COL18A1: variants seen among roughly 807,000 people sequenced by gnomAD.
The protein encoded by COL18A1 is collagen type XVIII alpha 1 chain, also known as collagen alpha-1(XVIII) chain.
In COL18A1, 133 loss-of-function variants were observed where a neutral mutation model predicts 168.0. The ratio of observed to expected loss-of-function variants is 0.79; its 90% CI spans 0.69 to 0.91. The LOEUF (loss-of-function observed/expected upper bound fraction) is 0.91, where lower values mean the gene tolerates loss of function less well. Among genes scored for constraint, COL18A1 ranks in the 40% least tolerant of loss-of-function variants. The pLI is 0.00. For missense variants in COL18A1, 2,126 were observed against 1,925.4 expected, an observed-to-expected ratio of 1.10 and a Z score of -1.95; for synonymous variants, 949 against 809.0, an observed-to-expected ratio of 1.17 and a Z score of -2.94.
At position 45,493,836 on chromosome 21, in the gene COL18A1, T is replaced by G. The variant is rs1051241007; in HGVS notation, c.2352+261T>G. On this transcript the variant is annotated intron_variant, in intron 26 of 41. Coordinates refer to ENST00000651438, the MANE Select transcript of COL18A1 (RefSeq NM_001379500.1). ...TGCTGAGGGGAGGTTCTCAGTGGGC[T>G]GCAGCTCTGAGCTCGCGCCTCCCTG... 6 of 530,004 alleles carry G rather than the reference T, an allele frequency of 1.1e-5. No individual in the cohort carries two copies. In the Admixed American group the frequency reaches 1.6e-4, roughly 14 times the overall value. 32.8% of individuals were successfully genotyped at this position (530,004 alleles called of 1,614,324 possible).
At position 45,479,076 on chromosome 21, in the gene COL18A1, C is replaced by T. The variant is rs892907039; in HGVS notation, c.1248+723C>T. ...CACCCACTGCAACAGGGTACACGCA[C>T]GCGTGTGAGTGTGGGGTGATGATCC... is the stretch of plus-strand genomic sequence containing the variant. On this transcript the variant is annotated intron_variant, in intron 9 of 41. Coordinates refer to ENST00000651438, the MANE Select transcript of COL18A1 (RefSeq NM_001379500.1). Among the ~76,000 whole-genome samples the T allele has an allele frequency of 3.8e-5, 5 of 130,200 alleles. No homozygotes were observed. In the East Asian group the frequency reaches 6.5e-4, roughly 17 times the overall value. 85.4% of individuals were successfully genotyped at this position (130,200 alleles called of 152,430 possible). A position where few individuals can be genotyped will look rare whatever the true frequency, so the allele number is the denominator to read the frequency against.
chr21:45,439,793 A>G (rs887010065), intron 2 of COL18A1, among the ~76,000 whole-genome samples: 4 of 149,460 alleles, frequency 2.7e-5, no homozygotes, highest in Non-Finnish European at 4.5e-5. Context: ...CCTGGCCTCT[A>G]AGATGCTCGG....
intron 4 of COL18A1, among the ~76,000 whole-genome samples, chr21:45,474,254 T>C (rs2035548990): frequency 6.7e-6 from 1 of 150,130 alleles, no homozygotes; most frequent in Non-Finnish European, 1.5e-5. Context: ...CAGCAAAGTG[T>C]GTGTGTGTGT....
chr21:45,428,072 C>T (rs1367279273), intron 2 of COL18A1, among the ~76,000 whole-genome samples: 1 of 152,234 alleles, frequency 6.6e-6, no homozygotes, highest in Non-Finnish European at 1.5e-5. Flanking sequence ...GCACCACCTC[C>T]TCCATGAAGC....
chr21:45,509,849 G>T (rs937906701), intron 39 of COL18A1, among the ~76,000 whole-genome samples: 3 of 152,210 alleles, frequency 2.0e-5, no homozygotes, highest in Non-Finnish European at 2.9e-5. Flanking sequence ...GCCTACAGCG[G>T]CAGCTGGGGG....
chr21:45,510,987 CCACACACACAACA>C lies in COL18A1; in HGVS notation c.3694-120_3694-108del. On this transcript the variant is annotated intron_variant, in intron 40 of 41. Transcript: ENST00000651438. ...TACACCCCCAAACACCCCCCACACC[CCACACACACAACA>C]CACCCCCCCCCCACACATCCACACC... The C allele has an allele frequency of 7.8e-4, 30 of 38,666 alleles. 8 individuals carry two copies. The highest frequency in any genetic ancestry group is 1.6e-3 in the South Asian group (7 of 4,474). 2.4% of individuals were successfully genotyped at this position (38,666 alleles called of 1,614,324 possible). A position where few individuals can be genotyped will look rare whatever the true frequency, so the allele number is the denominator to read the frequency against.
At position 45,494,816 on chromosome 21, in the gene COL18A1, A is replaced by C. The variant is rs771079606; in HGVS notation, c.2380-46A>C. On this transcript the variant is annotated intron_variant, in intron 27 of 41. Transcript: ENST00000651438. The stretch of plus-strand genomic sequence containing the variant: ...CCCAGGACCCCCCAACTCGTGGTCA[A>C]GGGCCAGGGTCTGCCCCACTAAGCC... 231 of 1,557,366 alleles carry C rather than the reference A, an allele frequency of 1.5e-4. 1 individual carries two copies. The highest frequency in any genetic ancestry group is 3.0e-5 in the Non-Finnish European group (34 of 1,141,386).
In COL18A1 at chr21:45,443,000, C is replaced by T. The variant is rs1243435617; in HGVS notation, c.107-25242C>T. On this transcript the variant is annotated intron_variant, in intron 2 of 41. Transcript: ENST00000651438. ...GTGTGGGTGGCGGTGCTGGTGTGGG[C>T]GGCGGTGCTGATGTGGGTGGTGGTG... 2.5e-4 allele frequency among the ~76,000 whole-genome samples: 25 copies of T among 101,238 alleles called. 2 individuals are homozygous for T. Among genetic ancestry groups the T allele is most frequent in the African/African-American group, 9.5e-4 (21 of 22,088 alleles). The allele number at this position is 101,238 out of a possible 152,430, so 66.4% of individuals were successfully genotyped here.
At chr21:45,411,074 G>A (rs985700097) in intron 2 of COL18A1, among the ~76,000 whole-genome samples, 1 of 152,228 alleles carries the variant, frequency 6.6e-6, no homozygotes, top group African/African-American at 2.4e-5. Context: ...CAGCTGGGCG[G>A]GACATCTGGC....
At chr21:45,467,209 G>A (rs1205050224) in intron 2 of COL18A1, 1 of 984,560 alleles carries the variant, frequency 1.0e-6, no homozygotes, top group Non-Finnish European at 1.2e-6. Flanking sequence ...CCGTGGGCAG[G>A]AAACGAGGTG....
chr21:45,432,751 G>A (rs938408350), intron 2 of COL18A1, among the ~76,000 whole-genome samples: 1 of 152,246 alleles, frequency 6.6e-6, no homozygotes, highest in Non-Finnish European at 1.5e-5. Flanking sequence ...CTCTGGGCAC[G>A]TGGCTCTGTG....
Position 45,509,460 on chromosome 21 carries a change from A to G in COL18A1, c.3354A>G (p.Ala1118=), listed in dbSNP as rs1383889973. 2.6e-6 allele frequency: 4 copies of G among 1,529,642 alleles called. No homozygotes were observed. The Admixed American group carries it at 5.8e-5, about 22-fold the overall frequency. 94.8% of individuals were successfully genotyped at this position (1,529,642 alleles called of 1,614,324 possible). The change falls in exon 39 of 42, where the codon GCA becomes GCG. Residue 1118 remains alanine (A), a synonymous_variant. Coordinates refer to ENST00000651438, the MANE Select transcript of COL18A1 (RefSeq NM_001379500.1). ...HPHPTARPWR[A]DDILASPPRL... The stretch of plus-strand genomic sequence containing the variant: ...ACCCCACCGCGCGGCCCTGGCGGGC[A>G]GATGACATCCTGGCCAGCCCCCCTC...
At position 45,494,911 on chromosome 21, in the gene COL18A1, G is replaced by T; in HGVS notation, c.2429G>T (p.Arg810Leu). Reference protein sequence around the residue: ...GYKGEIGFPGRPGRPGMNGLK... With the variant: ...GYKGEIGFPGLPGRPGMNGLK... ...AAGGGAGAGATTGGCTTTCCTGGACGGCCGGTGAGGACCTGGGGTCTCCAG... is the reference window on the plus strand; with the variant it reads ...AAGGGAGAGATTGGCTTTCCTGGACTGCCGGTGAGGACCTGGGGTCTCCAG... Residue 810 changes from arginine (R) to leucine (L), a missense_variant, in exon 28 of 42, where the codon CGG becomes CTG. Arg to Leu is a moderately radical substitution (Grantham distance 102). Coordinates refer to ENST00000651438, the MANE Select transcript of COL18A1 (RefSeq NM_001379500.1). The T allele has an allele frequency of 6.2e-7, 1 of 1,610,326 alleles. No homozygotes were observed. The highest frequency in any genetic ancestry group is 8.5e-7 in the Non-Finnish European group (1 of 1,178,774).
intron 2 of COL18A1, among the ~76,000 whole-genome samples, chr21:45,441,826 G>C (rs988757074): frequency 3.3e-5 from 5 of 152,230 alleles, no homozygotes; most frequent in African/African-American, 1.2e-4. Context: ...AAAGGATGGA[G>C]CACGCTGCTG....
intron 38 of COL18A1, among the ~76,000 whole-genome samples, chr21:45,508,066 T>G (rs2037330774): frequency 7.0e-6 from 1 of 142,422 alleles, no homozygotes. Flanking sequence ...GGTGGATGGA[T>G]GAGTAGATGG....
At chr21:45,482,856 C>A in intron 15 of COL18A1, 35 bp downstream of exon 15, 2 of 1,614,136 alleles carry the variant, frequency 1.2e-6, no homozygotes, top group Non-Finnish European at 1.7e-6. Context: ...CAGTCCCCTG[C>A]CCCTGGTGCC....
chr21:45,511,331 A>T, intron 41 of COL18A1, 105 bp downstream of exon 41: 1 of 706,112 alleles, frequency 1.4e-6, no homozygotes. Flanking sequence ...GACAAATCTT[A>T]TACATGCTCA....
At chr21:45,428,958 A>G (rs1225478197) in intron 2 of COL18A1, among the ~76,000 whole-genome samples, 3 of 149,110 alleles carry the variant, frequency 2.0e-5, no homozygotes, top group Non-Finnish European at 4.4e-5. Context: ...GCTGGAGTGC[A>G]GTGGTGCGAT....
intron 6 of COL18A1, 26 bp downstream of exon 6, chr21:45,476,506 G>A (rs898693956): frequency 1.2e-5 from 19 of 1,574,618 alleles, no homozygotes; most frequent in Non-Finnish European, 1.6e-5. Flanking sequence ...GATGTGGTGT[G>A]TGTGTGGTGT....
Sources: allele counts gnomAD v4.1 joint callset (sites outside exome capture counted in the v4.1 genomes callset), GRCh38; gene constraint gnomAD v4.1.1; transcripts MANE v1.5; gene names NCBI Gene and HGNC (gene_info 2026-07-23, HGNC 2026-07-21).